The following TRPC5 variants were observed in gnomAD, a reference collection of about 807,000 sequenced individuals.
The protein encoded by TRPC5 is short transient receptor potential channel 5.
In TRPC5, 9 loss-of-function variants were observed where a neutral mutation model predicts 56.5. That is an observed-to-expected ratio of 0.16 (90% confidence interval 0.10 to 0.28). The LOEUF is 0.28. TRPC5 is among the 10% of genes least tolerant of loss of function. The probability of loss-of-function intolerance (pLI) is 1.00; values close to 1 mark genes in which losing one functional copy is unlikely to be tolerated. For missense variants in TRPC5, 469 were observed against 748.9 expected, an observed-to-expected ratio of 0.63 and a Z score of 4.36; for synonymous variants, 282 against 278.5, an observed-to-expected ratio of 1.01 and a Z score of -0.13.
At chrX:112,003,620 G>A (rs1928757709) in intron 1 of TRPC5, among the ~76,000 whole-genome samples, 1 of 110,733 alleles carries the variant, frequency 9.0e-6, no homozygotes, top group Admixed American at 9.7e-5. Flanking sequence ...TAGTGTCCTG[G>A]TCCCTGCACA....
At chrX:112,046,583 A>C (rs771584734) in intron 1 of TRPC5, among the ~76,000 whole-genome samples, 1 of 111,498 alleles carries the variant, frequency 9.0e-6, no homozygotes, top group East Asian at 2.8e-4. Flanking sequence ...GCACTGCAGT[A>C]AAAGGTTAGA....
rs374459393 is a variant in TRPC5 at position 111,835,164 on chromosome X, G to A, written c.1701-48C>T. The A allele has an allele frequency of 3.1e-5, 32 of 1,040,296 alleles. 1 individual carries two copies. The highest frequency in any genetic ancestry group is 1.3e-6 in the Non-Finnish European group (1 of 770,742). The allele number at this position is 1,040,296 out of a possible 1,213,427, so 85.7% of individuals were successfully genotyped here. ...TTAGTTAATTCTTTAAGAAGAGCAAGAAAAGAGAGAGAAAATGTAAGGTGA... is the reference window on the plus strand; with the variant it reads ...TTAGTTAATTCTTTAAGAAGAGCAAAAAAAGAGAGAGAAAATGTAAGGTGA... On this transcript the variant is annotated intron_variant, in intron 6 of 10. Transcript: ENST00000262839.
At chrX:111,939,325 G>A (rs773148313) in intron 2 of TRPC5, among the ~76,000 whole-genome samples, 22 of 111,168 alleles carry the variant, frequency 2.0e-4, no homozygotes, top group African/African-American at 5.5e-4. Flanking sequence ...GGATTTTTGC[G>A]TCAATATTCC....
intron 1 of TRPC5, among the ~76,000 whole-genome samples, chrX:111,970,771 T>G (rs1347573435): frequency 1.0e-5 from 1 of 99,393 alleles, no homozygotes; most frequent in Non-Finnish European, 2.0e-5. Flanking sequence ...CAAGTCACAT[T>G]ACCGTTTTTT....
At chrX:111,807,612 T>C (rs1159463418) in intron 7 of TRPC5, among the ~76,000 whole-genome samples, 1 of 112,311 alleles carries the variant, frequency 8.9e-6, no homozygotes, top group Admixed American at 9.5e-5. Flanking sequence ...TTTTCGTGGA[T>C]GCTCTTGATG....
At chrX:111,843,829 T>A (rs954368805) in intron 6 of TRPC5, among the ~76,000 whole-genome samples, 1 of 107,254 alleles carries the variant, frequency 9.3e-6, no homozygotes, top group African/African-American at 3.4e-5. Context: ...GTTGCCACAG[T>A]CCTTGGGAGA....
intron 1 of TRPC5, among the ~76,000 whole-genome samples, chrX:111,970,542 T>C (rs1252444395): frequency 1.8e-5 from 2 of 111,755 alleles, no homozygotes; most frequent in African/African-American, 3.3e-5. Context: ...TGGTTAATTC[T>C]GCACATTCCT....
intron 7 of TRPC5, among the ~76,000 whole-genome samples, chrX:111,813,665 G>A (rs1921777520): frequency 8.9e-6 from 1 of 112,379 alleles, no homozygotes; most frequent in Non-Finnish European, 1.9e-5. Flanking sequence ...CACAAACACA[G>A]CAAAAGCAGA....
chrX:111,825,530 T>C (rs1411346578), intron 7 of TRPC5, among the ~76,000 whole-genome samples: 1 of 110,483 alleles, frequency 9.1e-6, no homozygotes, highest in Non-Finnish European at 1.9e-5. Flanking sequence ...AGTGCTGAGA[T>C]TACAGGCATG....
chrX:111,854,898 C>T (rs1272707715), intron 3 of TRPC5, among the ~76,000 whole-genome samples: 1 of 111,818 alleles, frequency 8.9e-6, no homozygotes, highest in Non-Finnish European at 1.9e-5. Flanking sequence ...ATATTGTATA[C>T]TAACCCAGCT....
intron 3 of TRPC5, among the ~76,000 whole-genome samples, chrX:111,897,433 C>A (rs1410059789): frequency 9.0e-6 from 1 of 110,802 alleles, no homozygotes; most frequent in Non-Finnish European, 1.9e-5. Flanking sequence ...TTTAGAGTAC[C>A]ATTCAATGAG....
chrX:112,040,760 A>G (rs761490922), intron 1 of TRPC5, among the ~76,000 whole-genome samples: 11 of 111,987 alleles, frequency 9.8e-5, no homozygotes, highest in Admixed American at 2.8e-4. Flanking sequence ...CTGCAAAATT[A>G]TGATGTCTAC....
chrX:112,077,152 T>C (rs1322238548), intron 1 of TRPC5, among the ~76,000 whole-genome samples: 8 of 111,528 alleles, frequency 7.2e-5, no homozygotes, highest in African/African-American at 2.6e-4. Context: ...GCAAAGTGCA[T>C]GTTTACACAG....
intron 1 of TRPC5, among the ~76,000 whole-genome samples, chrX:112,048,502 C>T (rs767818081): frequency 6.2e-4 from 67 of 108,938 alleles, no homozygotes; most frequent in African/African-American, 2.2e-3. Flanking sequence ...ATATAAGATC[C>T]CTCATGGACC....
chrX:111,944,848 T>A (rs2148635102), intron 2 of TRPC5, among the ~76,000 whole-genome samples: 1 of 111,001 alleles, frequency 9.0e-6, no homozygotes, highest in Non-Finnish European at 1.9e-5. Context: ...AGATTCTCCC[T>A]CCAGAAGAAA....
intron 5 of TRPC5, 59 bp downstream of exon 5, chrX:111,852,239 C>A (rs2148585763): frequency 8.9e-7 from 1 of 1,129,061 alleles, no homozygotes; most frequent in Non-Finnish European, 1.2e-6. Flanking sequence ...GCTCTCAGTG[C>A]AAAAGCTTAA....
intron 1 of TRPC5, among the ~76,000 whole-genome samples, chrX:112,078,838 G>A (rs1011535997): frequency 1.8e-5 from 2 of 111,749 alleles, no homozygotes; most frequent in Non-Finnish European, 3.8e-5. Context: ...TGGCTCTGCT[G>A]GTCTCACTGG....
chrX:111,812,072 T>A (rs957412253), intron 7 of TRPC5, among the ~76,000 whole-genome samples: 8 of 110,633 alleles, frequency 7.2e-5, no homozygotes, highest in African/African-American at 1.7e-4. Context: ...GCCATTTTTT[T>A]AATAAACTTG....
chrX:111,894,708 G>A (rs1258353503), intron 3 of TRPC5, among the ~76,000 whole-genome samples: 2 of 106,996 alleles, frequency 1.9e-5, no homozygotes, highest in Non-Finnish European at 3.8e-5. Flanking sequence ...ATAGGATGTA[G>A]GCCTAAAATT....
Sources: allele counts gnomAD v4.1 joint callset (sites outside exome capture counted in the v4.1 genomes callset), GRCh38; gene constraint gnomAD v4.1.1; transcripts MANE v1.5; gene names NCBI Gene and HGNC (gene_info 2026-07-23, HGNC 2026-07-21).